The following NEDD4L variants were observed in gnomAD, a reference collection of about 807,000 sequenced individuals.
NEDD4L encodes NEDD4 like E3 ubiquitin protein ligase.
NEDD4L carries 54 observed loss-of-function variants against 148.9 expected under a neutral mutation model. That is an observed-to-expected ratio of 0.36 (90% CI 0.29 to 0.45). The LOEUF is 0.45. NEDD4L is among the 20% of genes least tolerant of loss of function. The pLI is 1.00. For missense variants in NEDD4L, 856 were observed against 1,233.8 expected, an observed-to-expected ratio of 0.69 and a Z score of 4.59; for synonymous variants, 433 against 440.7, an observed-to-expected ratio of 0.98 and a Z score of 0.22.
At chr18:58,380,915 A>G (rs2048255642) in intron 24 of NEDD4L, among the ~76,000 whole-genome samples, 1 of 152,220 alleles carries the variant, frequency 6.6e-6, no homozygotes, top group Non-Finnish European at 1.5e-5. Flanking sequence ...TCAGTCTATA[A>G]CATTCTAATG....
At chr18:58,152,701 T>TC (rs2034930283) in intron 1 of NEDD4L, among the ~76,000 whole-genome samples, 1 of 152,216 alleles carries the variant, frequency 6.6e-6, no homozygotes, top group African/African-American at 2.4e-5. Context: ...CTTGGGAATC[T>TC]CCATTTCTTC....
Position 58,334,923 on chromosome 18 carries a change from G to C in NEDD4L, c.1066-555G>C, listed in dbSNP as rs527942396. On this transcript the variant is annotated intron_variant, in intron 12 of 30. Coordinates refer to ENST00000400345, the MANE Select transcript of NEDD4L (RefSeq NM_001144967.3). ...TTTTCTGGGATGGTTTCAGTACAGGGCTCCCAAAAACAAAATAATCAACTG... is the reference window on the plus strand; with the variant it reads ...TTTTCTGGGATGGTTTCAGTACAGGCCTCCCAAAAACAAAATAATCAACTG... Among the ~76,000 whole-genome samples, 4 of 152,224 alleles carry C rather than the reference G, an allele frequency of 2.6e-5. No homozygotes were observed. The South Asian group carries it at 8.3e-4, about 32-fold the overall frequency.
At chr18:58,163,573 A>G (rs963846148) in intron 1 of NEDD4L, among the ~76,000 whole-genome samples, 3 of 152,232 alleles carry the variant, frequency 2.0e-5, no homozygotes, top group Admixed American at 6.5e-5. Context: ...TAATCCTTTC[A>G]TGAAGACTGG....
At chr18:58,153,259 G>C (rs2035028631) in intron 1 of NEDD4L, among the ~76,000 whole-genome samples, 1 of 151,712 alleles carries the variant, frequency 6.6e-6, no homozygotes, top group Admixed American at 6.6e-5. Flanking sequence ...CAGTACAGCA[G>C]AAGCTTTGTG....
At chr18:58,133,595 A>G (rs2066540662) in intron 1 of NEDD4L, among the ~76,000 whole-genome samples, 1 of 151,996 alleles carries the variant, frequency 6.6e-6, no homozygotes, top group African/African-American at 2.4e-5. Flanking sequence ...TTGCAAGTTG[A>G]TTTTTTTTCT....
At chr18:58,289,192 C>T (rs534508565) in intron 5 of NEDD4L, among the ~76,000 whole-genome samples, 26 of 152,214 alleles carry the variant, frequency 1.7e-4, no homozygotes, top group Non-Finnish European at 2.5e-4. Flanking sequence ...TTACTGTATA[C>T]GCTGTGTACA....
intron 5 of NEDD4L, among the ~76,000 whole-genome samples, chr18:58,294,210 C>T (rs2149159263): frequency 6.6e-6 from 1 of 152,276 alleles, no homozygotes; most frequent in East Asian, 1.9e-4. Flanking sequence ...CCCAAGGATT[C>T]CCCTTTTCCA....
At chr18:58,151,317 A>G (rs1455684921) in intron 1 of NEDD4L, among the ~76,000 whole-genome samples, 1 of 151,918 alleles carries the variant, frequency 6.6e-6, no homozygotes, top group Non-Finnish European at 1.5e-5. Flanking sequence ...CACTCCCTCT[A>G]CCTTTCTTTG....
intron 11 of NEDD4L, 31 bp from the exon 12 acceptor site, chr18:58,333,763 AGTTGCTTTTAAGAATATATTTCTT>A (rs2041347231): frequency 4.0e-6 from 5 of 1,259,620 alleles, no homozygotes. Context: ...AACCAATGAA[AGTTGCTTTTAAGAATATATTTCTT>A]GATGCTTCCT....
At chr18:58,239,648 T>C (rs561795477) in intron 2 of NEDD4L, among the ~76,000 whole-genome samples, 2 of 152,234 alleles carry the variant, frequency 1.3e-5, no homozygotes, top group Admixed American at 6.5e-5. Context: ...CCAATAATGA[T>C]TGGTCAGGAC....
chr18:58,105,536 A>G (rs2085021131), intron 1 of NEDD4L, among the ~76,000 whole-genome samples: 1 of 152,242 alleles, frequency 6.6e-6, no homozygotes, highest in Non-Finnish European at 1.5e-5. Context: ...CTAAATGACT[A>G]TGGGAATCTG....
intron 5 of NEDD4L, among the ~76,000 whole-genome samples, chr18:58,310,883 G>A (rs561044268): frequency 6.6e-6 from 1 of 152,228 alleles, no homozygotes; most frequent in Non-Finnish European, 1.5e-5. Context: ...AGAGGCAGCT[G>A]TGATGTTTAC....
chr18:58,298,399 C>G (rs922388896), intron 5 of NEDD4L, among the ~76,000 whole-genome samples: 1 of 152,188 alleles, frequency 6.6e-6, no homozygotes, highest in Non-Finnish European at 1.5e-5. Flanking sequence ...ATATAGAAGA[C>G]AATCCTGAAT....
chr18:58,307,913 A>G (rs1199247691), intron 5 of NEDD4L, among the ~76,000 whole-genome samples: 1 of 152,214 alleles, frequency 6.6e-6, no homozygotes, highest in East Asian at 1.9e-4. Context: ...TATAGGATCT[A>G]GAAGTATCAT....
At chr18:58,333,017 C>T (rs2041200085) in intron 11 of NEDD4L, among the ~76,000 whole-genome samples, 1 of 152,022 alleles carries the variant, frequency 6.6e-6, no homozygotes. Context: ...AGGCTCACAC[C>T]TGTAATCCCA....
intron 2 of NEDD4L, among the ~76,000 whole-genome samples, chr18:58,224,691 G>A (rs566651175): frequency 3.9e-5 from 6 of 152,124 alleles, no homozygotes; most frequent in Non-Finnish European, 5.9e-5. Context: ...TTCATTACTT[G>A]AAAACAAGTT....
chr18:58,145,562 A>T (rs1433757336), intron 1 of NEDD4L, among the ~76,000 whole-genome samples: 4 of 152,196 alleles, frequency 2.6e-5, no homozygotes, highest in Non-Finnish European at 5.9e-5. Context: ...GTATCCAGTG[A>T]TAGTGATAAT....
chr18:58,371,203 A>ATTTTTTTTTTT (rs34960405), intron 23 of NEDD4L, among the ~76,000 whole-genome samples: 1,119 of 92,888 alleles, frequency 0.012, no homozygotes, highest in Non-Finnish European at 0.013. Context: ...TGCCTGGCTA[A>ATTTTTTTTTTT]TTTTTTTTTT....
intron 5 of NEDD4L, among the ~76,000 whole-genome samples, chr18:58,293,234 G>T (rs1169170068): frequency 6.6e-6 from 1 of 152,182 alleles, no homozygotes; most frequent in African/African-American, 2.4e-5. Context: ...TCTTCAGGTG[G>T]GGGGATAATT....
Sources: gnomAD v4.1 joint callset for allele counts (sites outside exome capture counted in the v4.1 genomes callset) on GRCh38, gnomAD v4.1.1 for gene constraint, MANE v1.5 for transcripts, NCBI Gene and HGNC (gene_info 2026-07-23, HGNC 2026-07-21) for gene names.